The following UBE2G1 variants were observed in gnomAD, a reference collection of about 807,000 sequenced individuals.
The protein encoded by UBE2G1 is ubiquitin-conjugating enzyme E2 G1.
In UBE2G1, 5 loss-of-function variants were observed where a neutral mutation model predicts 22.7. That is an observed-to-expected ratio of 0.22 (90% CI 0.12 to 0.46). UBE2G1 has a LOEUF of 0.46. UBE2G1 is among the 20% of genes least tolerant of loss of function. The probability of loss-of-function intolerance (pLI) is 0.99; values close to 1 mark genes in which losing one functional copy is unlikely to be tolerated. For synonymous variants in UBE2G1, 74 were observed against 67.5 expected (o/e 1.10, Z -0.47); for missense variants, 88 against 203.9 (o/e 0.43, Z 3.46).
intron 1 of UBE2G1, among the ~76,000 whole-genome samples, chr17:4,327,605 A>G (rs562199565): frequency 6.6e-6 from 1 of 152,242 alleles, no homozygotes; most frequent in Admixed American, 6.5e-5. Flanking sequence ...GTTTATTAAG[A>G]CTTAGTTAAG....
chr17:4,289,250 G>GT lies in UBE2G1; in HGVS notation c.405dup (p.Pro136ThrfsTer3). The GT allele has an allele frequency of 6.4e-7, 1 of 1,570,884 alleles. No individual in the cohort carries two copies. Among genetic ancestry groups the GT allele is most frequent in the Non-Finnish European group, 8.6e-7 (1 of 1,158,474 alleles). ...CTTACCGCAGCATCAACATTAGCAGGTGAGTCTCCATTAGGGTCTGCCAGC... is the reference window on the plus strand; with the variant it reads ...CTTACCGCAGCATCAACATTAGCAGGTTGAGTCTCCATTAGGGTCTGCCAGC... On this transcript the variant is annotated frameshift_variant, in exon 4 of 6. Transcript: ENST00000396981. LOFTEE classifies it high-confidence loss of function.
intron 1 of UBE2G1, 77 bp from the exon 2 acceptor site, chr17:4,307,200 C>T (rs1256507799): frequency 1.1e-5 from 14 of 1,245,080 alleles, no homozygotes; most frequent in African/African-American, 7.5e-5. Context: ...AGAACTTGAG[C>T]GTACATGTTT....
intron 1 of UBE2G1, among the ~76,000 whole-genome samples, chr17:4,346,028 C>T (rs986647894): frequency 6.6e-6 from 1 of 152,212 alleles, no homozygotes. Flanking sequence ...ATTCTAGCAT[C>T]TGCTATTGAT....
chr17:4,347,860 C>A (rs1969797426), intron 1 of UBE2G1, among the ~76,000 whole-genome samples: 1 of 152,038 alleles, frequency 6.6e-6, no homozygotes, highest in Admixed American at 6.6e-5. Context: ...TTTGGGGCAC[C>A]ACGAATTGTG....
At chr17:4,285,938 A>G (rs1968958053) in intron 4 of UBE2G1, among the ~76,000 whole-genome samples, 1 of 149,670 alleles carries the variant, frequency 6.7e-6, no homozygotes, top group African/African-American at 2.5e-5. Flanking sequence ...CGACAGAGCG[A>G]GACTACATCT....
At chr17:4,342,418 C>A (rs530825720) in intron 1 of UBE2G1, among the ~76,000 whole-genome samples, 193 of 152,260 alleles carry the variant, frequency 1.3e-3, no homozygotes, top group African/African-American at 4.5e-3. Flanking sequence ...AAAGTGAGAC[C>A]CCATTTCTAC....
chr17:4,284,279 T>A (rs1490998570), intron 4 of UBE2G1, among the ~76,000 whole-genome samples: 1 of 151,908 alleles, frequency 6.6e-6, no homozygotes, highest in East Asian at 1.9e-4. Flanking sequence ...ATAAACTTTA[T>A]ATAAATATAC....
At chr17:4,296,356 G>A (rs962200410) in intron 3 of UBE2G1, among the ~76,000 whole-genome samples, 2 of 152,136 alleles carry the variant, frequency 1.3e-5, no homozygotes, top group African/African-American at 4.8e-5. Flanking sequence ...TGCACCTCCC[G>A]GGTTCAAGCG....
chr17:4,331,846 T>A (rs906032950), intron 1 of UBE2G1: 1 of 152,074 alleles, frequency 6.6e-6, no homozygotes, highest in East Asian at 1.9e-4. Context: ...TCAGTGACCG[T>A]CGTACGAGGG....
chr17:4,308,670 A>C (rs1969274590), intron 1 of UBE2G1, among the ~76,000 whole-genome samples: 1 of 152,234 alleles, frequency 6.6e-6, no homozygotes, highest in South Asian at 2.1e-4. Flanking sequence ...CTGAGTACTC[A>C]TTGGCTCAAA....
At chr17:4,279,740 A>C (rs1044586940) in intron 5 of UBE2G1, among the ~76,000 whole-genome samples, 1 of 129,998 alleles carries the variant, frequency 7.7e-6, no homozygotes, top group Admixed American at 7.9e-5. Context: ...GCACCACTGC[A>C]ATCCAGCCCG....
chr17:4,313,181 G>A (rs980279179), intron 1 of UBE2G1, among the ~76,000 whole-genome samples: 1 of 152,188 alleles, frequency 6.6e-6, no homozygotes, highest in Non-Finnish European at 1.5e-5. Context: ...ATAGAATAGT[G>A]TTTTTTCACA....
chr17:4,274,347 G>A lies in UBE2G1; in HGVS notation c.*38-1831C>T, dbSNP rs562295073. Among the ~76,000 whole-genome samples, 457 of 152,124 alleles carry A rather than the reference G, an allele frequency of 3.0e-3. 2 individuals carry two copies. The highest frequency in any genetic ancestry group is 4.7e-3 in the Non-Finnish European group (322 of 67,974). On this transcript the variant is annotated intron_variant, in intron 5 of 5. Transcript: ENST00000396981. Reference sequence around the variant, plus strand: ...CGAGTAGCTGGGAATACAGGCGCCTGCCACCATGCCCGGCTAATTTTTTGT... The same window carrying A: ...CGAGTAGCTGGGAATACAGGCGCCTACCACCATGCCCGGCTAATTTTTTGT...
At chr17:4,346,979 C>T (rs995150517) in intron 1 of UBE2G1, among the ~76,000 whole-genome samples, 1 of 151,476 alleles carries the variant, frequency 6.6e-6, no homozygotes, top group Admixed American at 6.6e-5. Context: ...ACAGTGAAAC[C>T]CCGTCTCTAC....
chr17:4,349,859 A>G (rs963041213), intron 1 of UBE2G1, among the ~76,000 whole-genome samples: 18 of 150,202 alleles, frequency 1.2e-4, no homozygotes, highest in Non-Finnish European at 2.4e-4. Flanking sequence ...AAAAAAAATT[A>G]CATTTAACCT....
chr17:4,315,681 A>C (rs1252025285), intron 1 of UBE2G1, among the ~76,000 whole-genome samples: 1 of 150,768 alleles, frequency 6.6e-6, no homozygotes, highest in Non-Finnish European at 1.5e-5. Context: ...CGGAGCTTGC[A>C]GTGAGCCGAG....
At chr17:4,360,804 G>A (rs1345307190) in intron 1 of UBE2G1, among the ~76,000 whole-genome samples, 2 of 152,158 alleles carry the variant, frequency 1.3e-5, no homozygotes, top group Non-Finnish European at 2.9e-5. Context: ...CCAGCTACTG[G>A]GGAGGCTGAG....
intron 1 of UBE2G1, among the ~76,000 whole-genome samples, chr17:4,308,134 A>T (rs1969268249): frequency 1.3e-5 from 2 of 152,128 alleles, no homozygotes; most frequent in Non-Finnish European, 2.9e-5. Flanking sequence ...CAGGTGGACC[A>T]CCTGAGGTCG....
chr17:4,302,239 T>A (rs529204904), intron 2 of UBE2G1: 3 of 476,988 alleles, frequency 6.3e-6, no homozygotes, highest in South Asian at 3.2e-5. Context: ...TATGTCGTTA[T>A]CAGCTCCCAC....
Sources: gnomAD v4.1 joint callset for allele counts (sites outside exome capture counted in the v4.1 genomes callset) on GRCh38, gnomAD v4.1.1 for gene constraint, MANE v1.5 for transcripts, NCBI Gene and HGNC (gene_info 2026-07-23, HGNC 2026-07-21) for gene names.